Variants in RGS6 observed in about 807,000 individuals in gnomAD.
RGS6 encodes regulator of G-protein signaling 6.
A neutral mutation model predicts 78.5 loss-of-function variants in RGS6; 30 were observed. The observed-to-expected ratio is 0.38, with a 90% CI of 0.29 to 0.52. The LOEUF (loss-of-function observed/expected upper bound fraction) is 0.52, where lower values mean the gene tolerates loss of function less well. RGS6 is among the 20% of genes least tolerant of loss of function. RGS6 has a pLI of 0.85. For synonymous variants in RGS6, 206 were observed against 206.0 expected, an observed-to-expected ratio of 1.00 and a Z score of 0.00; for missense variants, 495 against 609.7, an observed-to-expected ratio of 0.81 and a Z score of 1.98.
intron 12 of RGS6, among the ~76,000 whole-genome samples, chr14:72,491,206 T>C (rs1310541722): frequency 5.9e-5 from 9 of 152,026 alleles, no homozygotes; most frequent in Admixed American, 5.9e-4. Flanking sequence ...TGTGGATCGA[T>C]AACCATAAAA....
chr14:72,539,807 T>G (rs976410729), intron 16 of RGS6, among the ~76,000 whole-genome samples: 1 of 152,162 alleles, frequency 6.6e-6, no homozygotes, highest in African/African-American at 2.4e-5. Flanking sequence ...AAAGCCCCCC[T>G]CTCTGCTCCC....
intron 2 of RGS6, among the ~76,000 whole-genome samples, chr14:72,034,363 G>T (rs1406108256): frequency 1.4e-5 from 2 of 147,108 alleles, no homozygotes; most frequent in Non-Finnish European, 1.5e-5. Context: ...GAAATTTTTT[G>T]TGTGTTTTTG....
chr14:72,237,888 A>G (rs847274), intron 2 of RGS6, among the ~76,000 whole-genome samples: 50,543 of 151,926 alleles, frequency 0.33, 9,260 homozygotes, highest in South Asian at 0.46. Flanking sequence ...AGCAGTTACT[A>G]TCTGCAGATA....
At chr14:72,030,370 T>C (rs180967283) in intron 2 of RGS6, among the ~76,000 whole-genome samples, 42 of 152,156 alleles carry the variant, frequency 2.8e-4, no homozygotes, top group African/African-American at 9.9e-4. Flanking sequence ...ATTTAAAAGA[T>C]AAGGAAATAA....
chr14:72,480,661 G>A lies in RGS6; in HGVS notation c.854+2332G>A, dbSNP rs917115234. 2.0e-5 allele frequency among the ~76,000 whole-genome samples: 3 copies of A among 152,158 alleles called. No individual in the cohort carries two copies. In the East Asian group the frequency reaches 5.8e-4, roughly 29 times the overall value. On this transcript the variant is annotated intron_variant, in intron 12 of 17. Coordinates refer to ENST00000553525, the MANE Select transcript of RGS6 (RefSeq NM_001204424.2). ...TGGAGATAAAGCAGCTGGGAGCCGG[G>A]CCTGTCAGTGGCTCTGTGAAGATGG...
At chr14:72,322,788 T>C (rs1010353824) in intron 2 of RGS6, among the ~76,000 whole-genome samples, 1 of 152,120 alleles carries the variant, frequency 6.6e-6, no homozygotes, top group Non-Finnish European at 1.5e-5. Context: ...AAATTAAGAA[T>C]CACTTTATCA....
intron 2 of RGS6, among the ~76,000 whole-genome samples, chr14:72,238,996 A>G (rs1023090858): frequency 6.6e-6 from 1 of 152,108 alleles, no homozygotes; most frequent in Non-Finnish European, 1.5e-5. Context: ...CTCAGAAGAA[A>G]GAATTCAATG....
rs1185665655 is a variant in RGS6 at position 72,201,258 on chromosome 14, C to T, written c.85-150837C>T. Among the ~76,000 whole-genome samples the T allele has an allele frequency of 2.0e-5, 3 of 152,194 alleles. No individual in the cohort carries two copies. In the East Asian group the frequency reaches 5.8e-4, roughly 29 times the overall value. On this transcript the variant is annotated intron_variant, in intron 2 of 17. Coordinates refer to ENST00000553525, the MANE Select transcript of RGS6 (RefSeq NM_001204424.2). Reference sequence around the variant, plus strand: ...ATTATATGTTAATTGCTTATTATGGCAACTGATGATTTGCCTCCTGTTTCT... The same window carrying T: ...ATTATATGTTAATTGCTTATTATGGTAACTGATGATTTGCCTCCTGTTTCT...
chr14:71,947,059 C>A (rs2091629005), intron 1 of RGS6, among the ~76,000 whole-genome samples: 1 of 152,114 alleles, frequency 6.6e-6, no homozygotes, highest in Non-Finnish European at 1.5e-5. Context: ...GGCTGTCAGC[C>A]CCCCTTACAG....
At chr14:71,922,111 C>T in the RGS6 span, among the ~76,000 whole-genome samples, 1 of 152,314 alleles carries the variant, frequency 6.6e-6, no homozygotes, top group East Asian at 1.9e-4. Flanking sequence ...GGGTTCCAGA[C>T]CAAGTGCTGT....
At chr14:72,609,460 G>A in the RGS6 span, among the ~76,000 whole-genome samples, 1 of 152,190 alleles carries the variant, frequency 6.6e-6, no homozygotes. Context: ...GGGAATCACA[G>A]AACCATCATG....
chr14:72,324,268 A>G (rs2073051405), intron 2 of RGS6, among the ~76,000 whole-genome samples: 1 of 152,240 alleles, frequency 6.6e-6, no homozygotes, highest in Non-Finnish European at 1.5e-5. Context: ...TATTGAAACA[A>G]CTGAATACCT....
chr14:72,541,563 G>A (rs772611506), intron 17 of RGS6: 83 of 1,535,550 alleles, frequency 5.4e-5, no homozygotes, highest in East Asian at 3.4e-4. Flanking sequence ...AAGCTGCCAC[G>A]GGCTGTCAGA....
intron 2 of RGS6, among the ~76,000 whole-genome samples, chr14:72,271,009 T>C (rs969366989): frequency 4.6e-5 from 7 of 152,160 alleles, no homozygotes; most frequent in African/African-American, 1.7e-4. Flanking sequence ...ATGAGCAAAT[T>C]GTGGTCTTGA....
chr14:72,104,966 A>G (rs930073486), intron 2 of RGS6, among the ~76,000 whole-genome samples: 2 of 152,242 alleles, frequency 1.3e-5, no homozygotes, highest in African/African-American at 4.8e-5. Flanking sequence ...ACACACAAAT[A>G]TTTAAGAATC....
intron 2 of RGS6, among the ~76,000 whole-genome samples, chr14:72,186,031 T>C (rs572699911): frequency 9.2e-5 from 14 of 152,378 alleles, no homozygotes; most frequent in Admixed American, 5.2e-4. Context: ...TATTCTCTTC[T>C]ATGTAAATGG....
At chr14:71,925,641 A>G in the RGS6 span, among the ~76,000 whole-genome samples, 7 of 146,344 alleles carry the variant, frequency 4.8e-5, no homozygotes, top group Non-Finnish European at 1.1e-4. Context: ...TTTTCCCAGT[A>G]CCATTTATTT....
intron 15 of RGS6, among the ~76,000 whole-genome samples, chr14:72,531,545 T>C (rs2153486985): frequency 6.6e-6 from 1 of 152,076 alleles, no homozygotes; most frequent in African/African-American, 2.4e-5. Context: ...AATATGAGGG[T>C]ATCTCAGGAA....
chr14:72,474,764 C>A, intron 10 of RGS6, 65 bp downstream of exon 10: 1 of 1,267,248 alleles, frequency 7.9e-7, no homozygotes, highest in Non-Finnish European at 1.1e-6. Flanking sequence ...TAGTACTATT[C>A]AAATAGTAAT....
Sources: allele counts gnomAD v4.1 joint callset (sites outside exome capture counted in the v4.1 genomes callset), GRCh38; gene constraint gnomAD v4.1.1; transcripts MANE v1.5; gene names NCBI Gene and HGNC (gene_info 2026-07-23, HGNC 2026-07-21).